SIK3: variants seen among roughly 807,000 people sequenced by gnomAD.
SIK3 encodes serine/threonine-protein kinase SIK3.
SIK3 carries 28 observed loss-of-function variants against 144.2 expected under a neutral mutation model. The ratio of observed to expected loss-of-function variants is 0.19; its 90% CI spans 0.14 to 0.27. The LOEUF is 0.27. Ranked by LOEUF, SIK3 falls within the 10% of genes least tolerant of loss-of-function variation. The pLI is 1.00. For missense variants in SIK3, 1,319 were observed against 1,776.0 expected, an observed-to-expected ratio of 0.74 and a Z score of 4.62; for synonymous variants, 686 against 676.3, an observed-to-expected ratio of 1.01 and a Z score of -0.22.
intron 1 of SIK3, among the ~76,000 whole-genome samples, chr11:117,062,118 A>T (rs902820096): frequency 6.6e-6 from 1 of 152,006 alleles, no homozygotes; most frequent in Non-Finnish European, 1.5e-5. Context: ...TGAGGTCAGG[A>T]GTTCAAGACC....
rs1034045068 is a variant in SIK3, at chr11:117,035,922, T to C, written c.273+62221A>G. On this transcript the variant is annotated intron_variant, in intron 1 of 24. Transcript: ENST00000445177. ...GTTTGTGCATGGCTAAAGACCGTGA[T>C]GATTTTATAGCATCCTGGGCATTTC... 11 of 1,595,388 alleles carry C rather than the reference T, an allele frequency of 6.9e-6. No homozygotes were observed. In the South Asian group the frequency reaches 8.8e-5, roughly 13 times the overall value.
At chr11:116,848,269 C>T (rs1329893086) in intron 22 of SIK3, among the ~76,000 whole-genome samples, 2 of 152,242 alleles carry the variant, frequency 1.3e-5, no homozygotes, top group East Asian at 3.9e-4. Flanking sequence ...ATGGCGTGAA[C>T]CCGGGAGGCG....
At chr11:116,919,628 G>A (rs1024187530) in intron 4 of SIK3, among the ~76,000 whole-genome samples, 1 of 152,144 alleles carries the variant, frequency 6.6e-6, no homozygotes, top group African/African-American at 2.4e-5. Context: ...CTACATTTCA[G>A]TTTTTTCTCA....
chr11:116,871,924 T>C (rs576528723), intron 13 of SIK3, among the ~76,000 whole-genome samples: 179 of 152,258 alleles, frequency 1.2e-3, no homozygotes, highest in Admixed American at 2.3e-3. Context: ...ATCTATCCCA[T>C]AGGCAGTCAT....
At chr11:116,917,496 C>T (rs1446101598) in intron 4 of SIK3, among the ~76,000 whole-genome samples, 1 of 151,986 alleles carries the variant, frequency 6.6e-6, no homozygotes, top group Non-Finnish European at 1.5e-5. Flanking sequence ...ATCTCTTGAG[C>T]TCAAAAGTTC....
At chr11:117,033,990 G>A (rs1591579446) in intron 1 of SIK3, among the ~76,000 whole-genome samples, 2 of 151,868 alleles carry the variant, frequency 1.3e-5, no homozygotes, top group South Asian at 4.1e-4. Context: ...ATAATCCCAC[G>A]TTCTTCATAT....
intron 4 of SIK3, among the ~76,000 whole-genome samples, chr11:116,914,276 T>C (rs1946497611): frequency 2.0e-5 from 3 of 151,328 alleles, no homozygotes; most frequent in African/African-American, 7.3e-5. Context: ...TGCCACCATT[T>C]TGGGTCACTG....
Position 116,863,683 on chromosome 11 carries a change from G to A in SIK3, c.2088C>T (p.Ile696=), listed in dbSNP as rs1254888685. The part of the protein sequence containing the change: ...HLEKMGNNSS[I]KQLQQECEQL... ...CTTCCATTACCTGCTGCAGCTGTTT[G>A]ATGCTGCTGTTGTTGCCCATTTTTT... Residue 696 remains isoleucine, a synonymous_variant, in exon 16 of 25, where the codon ATC becomes ATT. Transcript: ENST00000445177. 1.2e-6 allele frequency: 2 copies of A among 1,614,152 alleles called. No homozygotes were observed. The highest frequency in any genetic ancestry group is 1.7e-6 in the Non-Finnish European group (2 of 1,180,018).
At chr11:116,847,326 G>T in intron 23 of SIK3, 150 bp downstream of exon 23, 1 of 1,102,472 alleles carries the variant, frequency 9.1e-7, no homozygotes, top group Non-Finnish European at 1.3e-6. Flanking sequence ...GGGAAGACCA[G>T]TGGGGAAAGG....
Position 117,098,283 on chromosome 11 carries a change from C to T in SIK3, c.133G>A (p.Ala45Thr). Residue 45 changes from alanine (A) to threonine (T), a missense_variant, in exon 1 of 25, where the codon GCC becomes ACC. Coordinates refer to ENST00000445177, the MANE Select transcript of SIK3 (RefSeq NM_001366686.3). ...GGGGCTGGGGGACGCGGCTGGCCGGCCGCAGGGGACACGGCAGCGGGGGCG... is the reference window on the plus strand; with the variant it reads ...GGGGCTGGGGGACGCGGCTGGCCGGTCGCAGGGGACACGGCAGCGGGGGCG... ...PAAPAAVSPA[A>T]GQPRPPAPAS... The T allele has an allele frequency of 7.5e-7, 1 of 1,329,476 alleles. No individual in the cohort carries two copies. The highest frequency in any genetic ancestry group is 9.7e-7 in the Non-Finnish European group (1 of 1,029,928). 82.4% of individuals were successfully genotyped at this position (1,329,476 alleles called of 1,614,324 possible). A position where few individuals can be genotyped will look rare whatever the true frequency, so the allele number is the denominator to read the frequency against.
At chr11:117,021,834 T>C (rs560550397) in intron 1 of SIK3, among the ~76,000 whole-genome samples, 125 of 143,854 alleles carry the variant, frequency 8.7e-4, no homozygotes, top group Non-Finnish European at 1.5e-3. Context: ...GCACAGTGGC[T>C]CACACCCAAC....
intron 6 of SIK3, among the ~76,000 whole-genome samples, chr11:116,892,205 GA>G (rs1307485097): frequency 6.6e-6 from 1 of 152,140 alleles, no homozygotes; most frequent in Non-Finnish European, 1.5e-5. Context: ...CATGGCTCCA[GA>G]AAGATGTTGT....
intron 4 of SIK3, among the ~76,000 whole-genome samples, chr11:116,909,781 A>AGGG (rs1946240871): frequency 6.6e-6 from 1 of 152,168 alleles, no homozygotes; most frequent in Non-Finnish European, 1.5e-5. Context: ...AAGAACAGAG[A>AGGG]GGGTGGGAGA....
intron 16 of SIK3, among the ~76,000 whole-genome samples, chr11:116,862,803 G>C (rs1465577878): frequency 6.6e-6 from 1 of 152,196 alleles, no homozygotes; most frequent in East Asian, 1.9e-4. Flanking sequence ...GGCGCGCAAG[G>C]TGGCTCACGC....
chr11:116,848,321 T>C (rs1403066694), intron 22 of SIK3, among the ~76,000 whole-genome samples: 1 of 152,158 alleles, frequency 6.6e-6, no homozygotes, highest in East Asian at 1.9e-4. Context: ...CACTCCAACC[T>C]GGGTGACAGA....
At chr11:117,004,077 A>T (rs969112966) in intron 1 of SIK3, among the ~76,000 whole-genome samples, 2 of 152,190 alleles carry the variant, frequency 1.3e-5, no homozygotes, top group Non-Finnish European at 2.9e-5. Context: ...AATCCTCTCC[A>T]AATATCATCT....
intron 1 of SIK3, among the ~76,000 whole-genome samples, chr11:116,996,607 G>T (rs996599090): frequency 6.6e-6 from 1 of 151,776 alleles, no homozygotes; most frequent in African/African-American, 2.4e-5. Flanking sequence ...ATCACCTAAG[G>T]CCAGGAATTC....
intron 15 of SIK3, among the ~76,000 whole-genome samples, chr11:116,866,497 A>G (rs1943649355): frequency 1.3e-5 from 2 of 152,234 alleles, no homozygotes; most frequent in South Asian, 4.1e-4. Context: ...GCTGGAGTGC[A>G]GTGGCATGAT....
chr11:117,053,697 C>T (rs1281739652), intron 1 of SIK3, among the ~76,000 whole-genome samples: 6 of 151,486 alleles, frequency 4.0e-5, no homozygotes, highest in Admixed American at 4.0e-4. Flanking sequence ...CTCTGTCACC[C>T]AGGCTGGAGC....
Sources: allele counts gnomAD v4.1 joint callset (sites outside exome capture counted in the v4.1 genomes callset), GRCh38; gene constraint gnomAD v4.1.1; transcripts MANE v1.5; gene names NCBI Gene and HGNC (gene_info 2026-07-23, HGNC 2026-07-21).